Variants in CHM observed in about 807,000 individuals in gnomAD.
The protein encoded by CHM is rab proteins geranylgeranyltransferase component A 1.
In CHM, 10 loss-of-function variants were observed where a neutral mutation model predicts 49.0. The observed-to-expected ratio is 0.20, with a 90% CI of 0.13 to 0.35. The LOEUF is 0.35. Among genes scored for constraint, CHM ranks in the 10% least tolerant of loss-of-function variants. CHM has a pLI of 1.00. For synonymous variants in CHM, 184 were observed against 167.5 expected, an observed-to-expected ratio of 1.10 and a Z score of -0.76; for missense variants, 455 against 478.4, an observed-to-expected ratio of 0.95 and a Z score of 0.46.
At chrX:85,873,920 T>C (rs1924260953) in intron 13 of CHM, among the ~76,000 whole-genome samples, 1 of 111,782 alleles carries the variant, frequency 8.9e-6, no homozygotes, top group African/African-American at 3.2e-5. Flanking sequence ...ATATCAAAAA[T>C]GAAGTCATAA....
intron 2 of CHM, among the ~76,000 whole-genome samples, chrX:86,026,189 G>A (rs915992662): frequency 6.0e-5 from 5 of 83,511 alleles, no homozygotes; most frequent in Non-Finnish European, 8.6e-5. Context: ...GTGCAATCTC[G>A]GCTTACTGCA....
In CHM at chrX:85,998,351, C is replaced by A. The variant is rs1453194597; in HGVS notation, c.117-16542G>T. 2.7e-5 allele frequency among the ~76,000 whole-genome samples: 3 copies of A among 111,185 alleles called. No homozygotes were observed. The Admixed American group carries it at 2.9e-4, about 11-fold the overall frequency. ...TGTCATGAAACTTTCTCTCTTAAGT[C>A]CCCCAGACAGAACATAAAAAACGAT... On this transcript the variant is annotated intron_variant, in intron 2 of 14. Transcript: ENST00000357749.
chrX:85,988,562 G>A (rs892129267), intron 2 of CHM, among the ~76,000 whole-genome samples: 4 of 111,502 alleles, frequency 3.6e-5, no homozygotes, highest in South Asian at 3.8e-4. Flanking sequence ...AAGTCAAACC[G>A]TCTTGGTTTG....
At chrX:85,889,054 C>T (rs57905340) in intron 12 of CHM, among the ~76,000 whole-genome samples, 8,902 of 111,762 alleles carry the variant, frequency 0.08, 760 homozygotes, top group African/African-American at 0.26. Context: ...TTTTCTTTTT[C>T]ATATCTTCCA....
Position 85,879,055 on chromosome X carries a change from G to A in CHM, c.1519C>T (p.His507Tyr), listed in dbSNP as rs767295175. The change falls in exon 13 of 15, where the codon CAT becomes TAT. Residue 507 changes from histidine (H) to tyrosine (Y), a missense_variant. His to Tyr is a moderately conservative substitution (Grantham distance 83, BLOSUM62 2). Coordinates refer to ENST00000357749, the MANE Select transcript of CHM (RefSeq NM_000390.4). Reference protein sequence around the residue: ...MTCMKGTYLVHLTCTSSKTAR... With the variant: ...MTCMKGTYLVYLTCTSSKTAR... ...GTTTTAGAAGATGTGCAAGTCAAAT[G>A]AACCAAATCTGTTAAAAAAAAAATA... The A allele has an allele frequency of 1.7e-6, 2 of 1,174,696 alleles. No individual in the cohort carries two copies. The highest frequency in any genetic ancestry group is 2.3e-6 in the Non-Finnish European group (2 of 865,184).
intron 4 of CHM, among the ~76,000 whole-genome samples, chrX:85,977,972 G>A (rs1207047904): frequency 3.6e-5 from 4 of 111,907 alleles, no homozygotes; most frequent in African/African-American, 9.8e-5. Flanking sequence ...ATGACAAAGC[G>A]TATCCTGAAG....
chrX:85,985,168 G>A (rs765162342), intron 2 of CHM, among the ~76,000 whole-genome samples: 315 of 112,482 alleles, frequency 2.8e-3, no homozygotes, highest in African/African-American at 9.7e-3. Context: ...CTCCCAGCGG[G>A]AGAGGTGGGC....
At chrX:86,043,703 G>A (rs1420035259) in intron 1 of CHM, among the ~76,000 whole-genome samples, 1 of 110,476 alleles carries the variant, frequency 9.1e-6, no homozygotes, top group African/African-American at 3.3e-5. Context: ...TGGGATTACA[G>A]GCCTGAGCCA....
chrX:85,938,785 C>G (rs1013735309), intron 8 of CHM, among the ~76,000 whole-genome samples: 6 of 110,623 alleles, frequency 5.4e-5, no homozygotes, highest in Non-Finnish European at 9.4e-5. Context: ...CTTAATCTAG[C>G]CAGCCTTCCG....
chrX:86,010,417 T>G (rs1428612571), intron 2 of CHM, among the ~76,000 whole-genome samples: 1 of 109,197 alleles, frequency 9.2e-6, no homozygotes, highest in Non-Finnish European at 1.9e-5. Flanking sequence ...GTTAATAGTA[T>G]TCTACCAATA....
intron 8 of CHM, among the ~76,000 whole-genome samples, chrX:85,921,971 T>C (rs1368312518): frequency 2.7e-5 from 3 of 112,027 alleles, no homozygotes; most frequent in South Asian, 7.5e-4. Context: ...CACATGTGCA[T>C]GAACTATAAA....
intron 1 of CHM, among the ~76,000 whole-genome samples, chrX:86,041,114 T>C (rs1165131678): frequency 9.0e-6 from 1 of 111,579 alleles, no homozygotes; most frequent in Non-Finnish European, 1.9e-5. Context: ...TTGAATTTAA[T>C]TACTGTAGCC....
chrX:85,937,770 T>C (rs758678411), intron 8 of CHM, among the ~76,000 whole-genome samples: 2 of 105,991 alleles, frequency 1.9e-5, no homozygotes, highest in African/African-American at 6.9e-5. Context: ...GTTGAATCCC[T>C]GAGGCAGAGG....
At chrX:85,961,401 A>AG (rs1169741604) in intron 5 of CHM, among the ~76,000 whole-genome samples, 1 of 95,546 alleles carries the variant, frequency 1.0e-5, no homozygotes, top group Non-Finnish European at 2.1e-5. Context: ...GCCTGGCAAC[A>AG]GAGCAAGACT....
intron 12 of CHM, among the ~76,000 whole-genome samples, chrX:85,888,968 C>A (rs1382915478): frequency 1.4e-4 from 16 of 111,409 alleles, no homozygotes; most frequent in African/African-American, 4.9e-4. Context: ...TATGTGCATG[C>A]CCATACAAAG....
chrX:85,902,627 T>G lies in CHM; in HGVS notation c.1245-1439A>C, dbSNP rs1926353381. On this transcript the variant is annotated intron_variant, in intron 9 of 14. Transcript: ENST00000357749. Reference sequence around the variant, plus strand: ...ATTTCATTGAACTAGAGCTCTTGCCTTATAAAATACTTAAGAAAATAGATC... The same window carrying G: ...ATTTCATTGAACTAGAGCTCTTGCCGTATAAAATACTTAAGAAAATAGATC... 5.4e-5 allele frequency among the ~76,000 whole-genome samples: 6 copies of G among 111,664 alleles called. No homozygotes were observed. The South Asian group carries it at 2.2e-3, about 42-fold the overall frequency.
intron 13 of CHM, among the ~76,000 whole-genome samples, chrX:85,876,130 C>T (rs1319441191): frequency 1.8e-5 from 2 of 111,359 alleles, no homozygotes; most frequent in Non-Finnish European, 3.8e-5. Context: ...TGTTGAACAT[C>T]ACTAATCGCT....
At chrX:86,018,434 G>C (rs922457466) in intron 2 of CHM, among the ~76,000 whole-genome samples, 2 of 111,956 alleles carry the variant, frequency 1.8e-5, no homozygotes, top group Non-Finnish European at 3.8e-5. Context: ...CACTGTTAAT[G>C]GGAAATAGTA....
Position 85,938,992 on chromosome X carries a change from T to C in CHM, c.1166+17161A>G, listed in dbSNP as rs1383941336. 6.2e-5 allele frequency among the ~76,000 whole-genome samples: 7 copies of C among 112,313 alleles called. No individual in the cohort carries two copies. In the East Asian group the frequency reaches 1.7e-3, roughly 27 times the overall value. ...TAAGATTCTAATACTGTATTTTTAC[T>C]GTACCTTTCCTATGCTTACGTATGT... is the stretch of plus-strand genomic sequence containing the variant. On this transcript the variant is annotated intron_variant, in intron 8 of 14. Coordinates refer to ENST00000357749, the MANE Select transcript of CHM (RefSeq NM_000390.4).
Sources: allele counts gnomAD v4.1 joint callset (sites outside exome capture counted in the v4.1 genomes callset), GRCh38; gene constraint gnomAD v4.1.1; transcripts MANE v1.5; gene names NCBI Gene and HGNC (gene_info 2026-07-23, HGNC 2026-07-21).